GNG2: variants seen among roughly 807,000 people sequenced by gnomAD.
The protein encoded by GNG2 is guanine nucleotide-binding protein G(I)/G(S)/G(O) subunit gamma-2.
A neutral mutation model predicts 5.5 loss-of-function variants in GNG2; 5 were observed. The observed-to-expected ratio is 0.91, with a 90% CI of 0.48 to 1.92. GNG2 has a LOEUF of 1.92. Ranked by LOEUF, GNG2 falls within the 30% of genes most tolerant of loss-of-function variation. GNG2 has a pLI of 0.01. For synonymous variants in GNG2, 28 were observed against 32.0 expected, an observed-to-expected ratio of 0.88 and a Z score of 0.42; for missense variants, 55 against 88.4, an observed-to-expected ratio of 0.62 and a Z score of 1.52.
intron 2 of GNG2, among the ~76,000 whole-genome samples, chr14:51,833,560 C>G (rs10498435): frequency 0.27 from 40,329 of 152,148 alleles, 6,434 homozygotes; most frequent in Non-Finnish European, 0.36. Flanking sequence ...GTCCAGATGC[C>G]TCTTCAAAAG....
chr14:51,828,428 T>C, intron 2 of GNG2, among the ~76,000 whole-genome samples: 1 of 152,128 alleles, frequency 6.6e-6, no homozygotes, highest in Admixed American at 6.5e-5. Flanking sequence ...AACTTTTTGA[T>C]ATTGCTTATC....
chr14:51,952,761 C>T (rs1889064280), intron 3 of GNG2, among the ~76,000 whole-genome samples: 1 of 152,210 alleles, frequency 6.6e-6, no homozygotes, highest in South Asian at 2.1e-4. Context: ...TTACTGACTG[C>T]AAGGGGCTCC....
At chr14:51,838,953 T>C (rs1881412008) in intron 2 of GNG2, among the ~76,000 whole-genome samples, 2 of 152,166 alleles carry the variant, frequency 1.3e-5, no homozygotes, top group African/African-American at 4.8e-5. Context: ...GACCCCATAG[T>C]ATGTACACCC....
At position 51,841,420 on chromosome 14, in the gene GNG2, G is replaced by C. The variant is rs557469988; in HGVS notation, c.64+13613G>C. On this transcript the variant is annotated intron_variant, in intron 2 of 3. Coordinates refer to the GNG2 transcript ENST00000553432. ...CACCAAACAAACAAACAAACAAAAA[G>C]CCTGGCACTGTTTGTTCTGTATGAA... is the stretch of plus-strand genomic sequence containing the variant. 65 of 597,342 alleles carry C rather than the reference G, an allele frequency of 1.1e-4. No individual in the cohort carries two copies. The South Asian group carries it at 1.3e-3, about 12-fold the overall frequency. 37.0% of individuals were successfully genotyped at this position (597,342 alleles called of 1,614,324 possible).
chr14:51,888,741 G>A (rs1048223064), intron 2 of GNG2, among the ~76,000 whole-genome samples: 2 of 152,198 alleles, frequency 1.3e-5, no homozygotes, highest in African/African-American at 2.4e-5. Flanking sequence ...AATTGTGTTT[G>A]TTAATCCCTG....
chr14:51,868,454 T>C (rs1235519291), intron 1 of GNG2, among the ~76,000 whole-genome samples: 5 of 152,216 alleles, frequency 3.3e-5, no homozygotes, highest in East Asian at 1.9e-4. Context: ...CTTTGATGGA[T>C]TGAAGTAGAA....
chr14:51,966,720 T>C lies in GNG2; in HGVS notation c.*33T>C. 6.2e-7 allele frequency: 1 copy of C among 1,601,070 alleles called. No homozygotes were observed. The highest frequency in any genetic ancestry group is 8.6e-7 in the Non-Finnish European group (1 of 1,168,438). ...AGAGGGGCCTGAAGAGCCTCCGGGC[T>C]CCTGGGACATTGATGTAGAGTTTTT... On this transcript the variant is annotated 3_prime_UTR_variant, in exon 4 of 4. Coordinates refer to ENST00000556766, the MANE Select transcript of GNG2 (RefSeq NM_053064.5).
chr14:51,837,958 A>G (rs1881379275), intron 2 of GNG2, among the ~76,000 whole-genome samples: 1 of 152,104 alleles, frequency 6.6e-6, no homozygotes, highest in Admixed American at 6.6e-5. Context: ...GAGAGTTGTA[A>G]AATATCCTCG....
At chr14:51,955,751 T>C (rs1169731859) in intron 3 of GNG2, among the ~76,000 whole-genome samples, 1 of 152,252 alleles carries the variant, frequency 6.6e-6, no homozygotes, top group Non-Finnish European at 1.5e-5. Context: ...TTGTTTCATA[T>C]CATTGTATGA....
intron 2 of GNG2, among the ~76,000 whole-genome samples, chr14:51,905,777 C>G (rs895472322): frequency 6.6e-6 from 1 of 152,032 alleles, no homozygotes; most frequent in African/African-American, 2.4e-5. Context: ...TTTCCCCCAT[C>G]CTGTTGTTAT....
chr14:51,941,406 T>C (rs762302133), intron 2 of GNG2, among the ~76,000 whole-genome samples: 21 of 152,248 alleles, frequency 1.4e-4, no homozygotes, highest in Non-Finnish European at 2.5e-4. Context: ...ATTTGTATTC[T>C]AGACAGAAAA....
chr14:51,908,421 C>G (rs1409743437), intron 2 of GNG2, among the ~76,000 whole-genome samples: 1 of 152,162 alleles, frequency 6.6e-6, no homozygotes, highest in Non-Finnish European at 1.5e-5. Context: ...GCCCAAATGC[C>G]TAGTTTTTCT....
chr14:51,849,225 A>G (rs979666238), intron 2 of GNG2, among the ~76,000 whole-genome samples: 4 of 152,152 alleles, frequency 2.6e-5, no homozygotes, highest in Non-Finnish European at 5.9e-5. Flanking sequence ...TCCTCCCCAC[A>G]TCGACCTCTC....
intron 2 of GNG2, among the ~76,000 whole-genome samples, chr14:51,834,739 C>T (rs540778415): frequency 3.3e-5 from 5 of 152,268 alleles, no homozygotes; most frequent in South Asian, 4.1e-4. Context: ...ACACATCTAG[C>T]GCTATAATGC....
chr14:51,912,573 T>A (rs933300117), intron 2 of GNG2, among the ~76,000 whole-genome samples: 4 of 152,168 alleles, frequency 2.6e-5, no homozygotes, highest in African/African-American at 9.7e-5. Context: ...CCTGTCCACT[T>A]TCATTACTGC....
intron 2 of GNG2, among the ~76,000 whole-genome samples, chr14:51,910,642 C>T (rs1304400637): frequency 6.6e-6 from 1 of 152,186 alleles, no homozygotes; most frequent in Non-Finnish European, 1.5e-5. Flanking sequence ...TTGCACATGG[C>T]ACACACTCCA....
chr14:51,832,272 C>T (rs1442875366), intron 2 of GNG2, among the ~76,000 whole-genome samples: 4 of 119,496 alleles, frequency 3.3e-5, no homozygotes, highest in Non-Finnish European at 5.5e-5. Flanking sequence ...CAGTGAGACC[C>T]TGTTACAGGG....
At chr14:51,881,540 T>G (rs1884070981) in intron 2 of GNG2, among the ~76,000 whole-genome samples, 1 of 152,200 alleles carries the variant, frequency 6.6e-6, no homozygotes, top group South Asian at 2.1e-4. Flanking sequence ...TCAGGGAAGC[T>G]GAAGGTCCTG....
At chr14:51,958,724 C>T (rs1253638) in intron 3 of GNG2, among the ~76,000 whole-genome samples, 71,562 of 151,960 alleles carry the variant, frequency 0.47, 18,058 homozygotes, top group Non-Finnish European at 0.58. Context: ...AGGTTGGACC[C>T]TGCGTAGATG....
Sources: gnomAD v4.1 joint callset for allele counts (sites outside exome capture counted in the v4.1 genomes callset) on GRCh38, gnomAD v4.1.1 for gene constraint, MANE v1.5 for transcripts, NCBI Gene and HGNC (gene_info 2026-07-23, HGNC 2026-07-21) for gene names.